MRTFB: variants seen among roughly 807,000 people sequenced by gnomAD.
MRTFB encodes myocardin-related transcription factor B.
A neutral mutation model predicts 104.2 loss-of-function variants in MRTFB; 29 were observed. The observed-to-expected ratio is 0.28, with a 90% confidence interval of 0.21 to 0.38. The LOEUF (loss-of-function observed/expected upper bound fraction) is 0.38. Among genes scored for constraint, MRTFB ranks in the 10% least tolerant of loss-of-function variants. The pLI is 1.00. For missense variants in MRTFB, 1,270 were observed against 1,341.6 expected (o/e 0.95, Z 0.83); for synonymous variants, 535 against 519.5 (o/e 1.03, Z -0.41).
At chr16:14,100,545 T>G (rs950544705) in intron 2 of MRTFB, among the ~76,000 whole-genome samples, 2 of 152,206 alleles carry the variant, frequency 1.3e-5, no homozygotes, top group African/African-American at 4.8e-5. Flanking sequence ...TAAGAGCCTC[T>G]TCTAGTGTCT....
intron 3 of MRTFB, among the ~76,000 whole-genome samples, chr16:14,185,676 G>GC (rs2039927427): frequency 7.4e-6 from 1 of 135,344 alleles, no homozygotes; most frequent in Admixed American, 7.4e-5. Flanking sequence ...AAGTTATTTT[G>GC]AAAAAAAAAA....
At chr16:14,133,879 CA>C (rs2037569520) in intron 2 of MRTFB, among the ~76,000 whole-genome samples, 1 of 152,150 alleles carries the variant, frequency 6.6e-6, no homozygotes, top group African/African-American at 2.4e-5. Flanking sequence ...CTTAAAAACA[CA>C]GTTGTTCAAA....
chr16:14,149,877 C>G (rs2038526058), intron 3 of MRTFB, among the ~76,000 whole-genome samples: 1 of 152,202 alleles, frequency 6.6e-6, no homozygotes, highest in East Asian at 1.9e-4. Context: ...AGAGTTAAGC[C>G]TGGCAGGAGC....
chr16:14,033,160 G>T, the MRTFB span, among the ~76,000 whole-genome samples: 9 of 152,136 alleles, frequency 5.9e-5, no homozygotes, highest in East Asian at 1.7e-3. Flanking sequence ...CAGCACTTCG[G>T]GAGCCAAGGT....
chr16:14,215,611 C>A (rs1402112679), intron 6 of MRTFB, among the ~76,000 whole-genome samples: 1 of 152,180 alleles, frequency 6.6e-6, no homozygotes, highest in African/African-American at 2.4e-5. Context: ...TAGATCTTAA[C>A]CAGAGGCATT....
At chr16:14,200,301 C>A in intron 3 of MRTFB, 2 of 1,602,098 alleles carry the variant, frequency 1.2e-6, no homozygotes, top group African/African-American at 1.3e-5. Context: ...CCGACCCGGA[C>A]CCGTACGCTG....
the MRTFB span, among the ~76,000 whole-genome samples, chr16:14,025,218 C>T: frequency 6.6e-6 from 1 of 152,144 alleles, no homozygotes; most frequent in African/African-American, 2.4e-5. Context: ...TTTCACTTTG[C>T]CTCCCAGGCT....
At chr16:14,200,931 G>A (rs1428646306) in intron 3 of MRTFB, 4 of 1,448,640 alleles carry the variant, frequency 2.8e-6, no homozygotes, top group East Asian at 2.3e-5. Flanking sequence ...ATTTTGGAAA[G>A]CAGTTTTTAA....
chr16:14,251,895 C>T lies in MRTFB; in HGVS notation c.2437C>T (p.Leu813Phe), dbSNP rs1235776993. 1.2e-6 allele frequency: 2 copies of T among 1,614,208 alleles called. No homozygotes were observed. Among genetic ancestry groups the T allele is most frequent in the Non-Finnish European group, 1.7e-6 (2 of 1,180,030 alleles). The change falls in exon 14 of 17, where the codon CTT (leucine) becomes TTT (phenylalanine). Residue 813 changes from leucine to phenylalanine, a missense_variant. This residue lies in a region of MRTFB where 1,144 missense variants were observed against 1,131.5 expected (regional missense o/e 1.01). Transcript: ENST00000571589. ...AAACTCAGCATCATCAAATACAGTT[C>T]TTCCATATCAGAGACATCCTGCCCC... ...FTNSASSNTV[L>F]PYQRHPAPAV...
intron 2 of MRTFB, among the ~76,000 whole-genome samples, chr16:14,108,526 A>G (rs1031396036): frequency 3.3e-5 from 5 of 152,206 alleles, no homozygotes; most frequent in African/African-American, 1.2e-4. Context: ...TTAGCTGTTA[A>G]AGTCAATATG....
At chr16:14,221,569 A>G (rs2041707145) in intron 8 of MRTFB, among the ~76,000 whole-genome samples, 1 of 152,200 alleles carries the variant, frequency 6.6e-6, no homozygotes, top group East Asian at 1.9e-4. Context: ...AAGACGAGCT[A>G]TGACACAATT....
chr16:14,133,358 G>GTC (rs1256714818), intron 2 of MRTFB, among the ~76,000 whole-genome samples: 1 of 152,194 alleles, frequency 6.6e-6, no homozygotes, highest in Non-Finnish European at 1.5e-5. Context: ...GGCATGATTC[G>GTC]TCAGGATTTC....
At position 14,090,686 on chromosome 16, in the gene MRTFB, A is replaced by G. The variant is rs999580976; in HGVS notation, c.-64+11332A>G. Among the ~76,000 whole-genome samples, 4 of 152,312 alleles carry G rather than the reference A, an allele frequency of 2.6e-5. No individual in the cohort carries two copies. The South Asian group carries it at 6.2e-4, about 24-fold the overall frequency. On this transcript the variant is annotated intron_variant, in intron 2 of 16. Transcript: ENST00000571589. ...GTGGGTGATCAGAACTTTTTGTTAT[A>G]GTCTGTGAGTCTCTCTTCTGGTTAC...
At chr16:14,155,578 T>C (rs1194513016) in intron 3 of MRTFB, among the ~76,000 whole-genome samples, 2 of 152,182 alleles carry the variant, frequency 1.3e-5, no homozygotes, top group South Asian at 2.1e-4. Context: ...AGTTGGGCTT[T>C]GGTTTGGTAG....
intron 3 of MRTFB, among the ~76,000 whole-genome samples, chr16:14,196,870 C>T (rs1262343620): frequency 6.6e-6 from 1 of 151,762 alleles, no homozygotes; most frequent in Admixed American, 6.6e-5. Context: ...TTATAATTGG[C>T]AAATTAGCAC....
At chr16:14,101,588 A>G (rs935856602) in intron 2 of MRTFB, among the ~76,000 whole-genome samples, 1 of 152,196 alleles carries the variant, frequency 6.6e-6, no homozygotes, top group Non-Finnish European at 1.5e-5. Flanking sequence ...TGACAAATCT[A>G]CTTTCAATTT....
chr16:14,119,395 T>C (rs982107558), intron 2 of MRTFB, among the ~76,000 whole-genome samples: 1 of 152,142 alleles, frequency 6.6e-6, no homozygotes, highest in African/African-American at 2.4e-5. Flanking sequence ...TAGTTTCTTA[T>C]GTATAGAGAA....
the MRTFB span, among the ~76,000 whole-genome samples, chr16:14,019,841 AC>A: frequency 2.0e-5 from 3 of 152,192 alleles, no homozygotes; most frequent in African/African-American, 7.2e-5. Context: ...AAAAAGGCTT[AC>A]AGAAATTCCA....
chr16:14,122,186 T>C (rs2036878804), intron 2 of MRTFB, among the ~76,000 whole-genome samples: 1 of 152,138 alleles, frequency 6.6e-6, no homozygotes, highest in Non-Finnish European at 1.5e-5. Context: ...GTTAACTTTT[T>C]CTATTTAATT....
Sources: gnomAD v4.1 joint callset for allele counts (sites outside exome capture counted in the v4.1 genomes callset) on GRCh38, gnomAD v4.1.1 for gene constraint, gnomAD v4.1.1 regional missense constraint, MANE v1.5 for transcripts, NCBI Gene and HGNC (gene_info 2026-07-23, HGNC 2026-07-21) for gene names.